CSNK1G1: variants seen among roughly 807,000 people sequenced by gnomAD.
CSNK1G1 encodes casein kinase 1 gamma 1.
A neutral mutation model predicts 59.6 loss-of-function variants in CSNK1G1; 22 were observed. The observed-to-expected ratio is 0.37, with a 90% CI of 0.26 to 0.53. The LOEUF (loss-of-function observed/expected upper bound fraction) is 0.53. Among genes scored for constraint, CSNK1G1 ranks in the 20% least tolerant of loss-of-function variants. CSNK1G1 has a pLI of 0.89. For missense variants in CSNK1G1, 384 were observed against 519.5 expected, an observed-to-expected ratio of 0.74 and a Z score of 2.54; for synonymous variants, 179 against 177.1, an observed-to-expected ratio of 1.01 and a Z score of -0.08.
At chr15:64,245,769 C>T (rs1891718381) in intron 4 of CSNK1G1, among the ~76,000 whole-genome samples, 1 of 150,976 alleles carries the variant, frequency 6.6e-6, no homozygotes, top group African/African-American at 2.4e-5. Flanking sequence ...AAAAGACACA[C>T]ACACAAAAAA....
intron 2 of CSNK1G1, among the ~76,000 whole-genome samples, chr15:64,297,550 T>C (rs1428546328): frequency 6.6e-6 from 1 of 151,712 alleles, no homozygotes; most frequent in African/African-American, 2.4e-5. Context: ...CATTTAAAAA[T>C]AAAAAAATTA....
At chr15:64,305,225 C>G (rs952780655) in intron 1 of CSNK1G1, among the ~76,000 whole-genome samples, 3 of 152,040 alleles carry the variant, frequency 2.0e-5, no homozygotes, top group Non-Finnish European at 4.4e-5. Flanking sequence ...GTTTAAAACA[C>G]AGGGTAAATT....
At chr15:64,282,607 G>A (rs1306425900) in intron 2 of CSNK1G1, among the ~76,000 whole-genome samples, 2 of 152,128 alleles carry the variant, frequency 1.3e-5, no homozygotes, top group African/African-American at 4.8e-5. Flanking sequence ...CTGTTTTCAA[G>A]ATTCATCTAT....
chr15:64,259,938 T>C (rs993396669), intron 2 of CSNK1G1, among the ~76,000 whole-genome samples: 1 of 152,216 alleles, frequency 6.6e-6, no homozygotes, highest in Non-Finnish European at 1.5e-5. Context: ...ACAAATGTAA[T>C]CAATATTCCC....
At chr15:64,245,984 C>T (rs1294299937) in intron 4 of CSNK1G1, among the ~76,000 whole-genome samples, 1 of 151,938 alleles carries the variant, frequency 6.6e-6, no homozygotes. Flanking sequence ...TTAATGGGTA[C>T]AAACATACAG....
chr15:64,287,589 G>T lies in CSNK1G1; in HGVS notation c.181+12730C>A, dbSNP rs1894497699. ...ACTGTGTTGTGTACAGCTTTCATCA[G>T]TATGTTCTTCAAAGGTTTGATCCAA... On this transcript the variant is annotated intron_variant, in intron 2 of 11. Coordinates refer to ENST00000303052, the MANE Select transcript of CSNK1G1 (RefSeq NM_022048.5). Among the ~76,000 whole-genome samples the T allele has an allele frequency of 3.3e-5, 5 of 152,100 alleles. No individual in the cohort carries two copies. In the South Asian group the frequency reaches 1.0e-3, roughly 32 times the overall value.
chr15:64,307,232 G>A (rs1010624209), intron 1 of CSNK1G1, among the ~76,000 whole-genome samples: 3 of 151,948 alleles, frequency 2.0e-5, no homozygotes, highest in African/African-American at 7.3e-5. Context: ...GGAAAACGGG[G>A]GTGGAGGAGT....
intron 7 of CSNK1G1, among the ~76,000 whole-genome samples, chr15:64,207,116 C>T (rs2082192634): frequency 6.6e-6 from 1 of 152,014 alleles, no homozygotes; most frequent in African/African-American, 2.4e-5. Flanking sequence ...CATGGAAAAT[C>T]CAAGAACAAG....
intron 1 of CSNK1G1, among the ~76,000 whole-genome samples, chr15:64,303,476 G>A (rs1012957725): frequency 2.0e-5 from 3 of 151,826 alleles, no homozygotes; most frequent in African/African-American, 7.3e-5. Flanking sequence ...TTAGGGCCGG[G>A]CACAGTGGCT....
At chr15:64,300,890 A>T (rs1895293805) in intron 1 of CSNK1G1, among the ~76,000 whole-genome samples, 167 bp from the exon 2 acceptor site, 1 of 152,240 alleles carries the variant, frequency 6.6e-6, no homozygotes, top group Non-Finnish European at 1.5e-5. Flanking sequence ...TGGATTAGTT[A>T]TTCACATAGT....
chr15:64,221,606 A>G (rs1180903154), intron 4 of CSNK1G1, among the ~76,000 whole-genome samples: 2 of 151,800 alleles, frequency 1.3e-5, no homozygotes, highest in Non-Finnish European at 2.9e-5. Flanking sequence ...ACCAGTGTAG[A>G]AAAAGCTCAA....
chr15:64,343,924 C>A (rs1390383837), intron 1 of CSNK1G1, among the ~76,000 whole-genome samples: 2 of 151,750 alleles, frequency 1.3e-5, no homozygotes, highest in Non-Finnish European at 2.9e-5. Flanking sequence ...TTTGACAAAG[C>A]CTTAAAATAT....
At chr15:64,331,916 T>G (rs1010209732) in intron 1 of CSNK1G1, among the ~76,000 whole-genome samples, 1 of 148,978 alleles carries the variant, frequency 6.7e-6, no homozygotes, top group African/African-American at 2.5e-5. Flanking sequence ...AAAAAACACA[T>G]GAAAAAATGC....
intron 2 of CSNK1G1, among the ~76,000 whole-genome samples, chr15:64,300,022 A>C (rs1184772711): frequency 6.6e-6 from 1 of 152,152 alleles, no homozygotes; most frequent in African/African-American, 2.4e-5. Flanking sequence ...TCCACCTCAG[A>C]CATCCTAAAT....
intron 1 of CSNK1G1, among the ~76,000 whole-genome samples, chr15:64,316,019 C>T (rs1896242885): frequency 6.6e-6 from 1 of 152,076 alleles, no homozygotes; most frequent in South Asian, 2.1e-4. Context: ...TTGGGTTTTG[C>T]TGTTGTTGTT....
intron 9 of CSNK1G1, 117 bp from the exon 10 acceptor site, chr15:64,203,306 A>G: frequency 1.4e-6 from 1 of 718,998 alleles, no homozygotes; most frequent in South Asian, 1.6e-5. Context: ...AGCTACCAAG[A>G]GCACTTTCAA....
chr15:64,286,268 T>C (rs1348350508), intron 2 of CSNK1G1, among the ~76,000 whole-genome samples: 2 of 150,222 alleles, frequency 1.3e-5, no homozygotes. Context: ...ATTGGAAGAC[T>C]AACAAGTATA....
At chr15:64,294,547 C>G (rs1015624738) in intron 2 of CSNK1G1, among the ~76,000 whole-genome samples, 2 of 151,952 alleles carry the variant, frequency 1.3e-5, no homozygotes, top group Non-Finnish European at 2.9e-5. Flanking sequence ...AAAAAATTTG[C>G]TTTAATGAAA....
intron 4 of CSNK1G1, among the ~76,000 whole-genome samples, chr15:64,228,227 C>T (rs2082487835): frequency 6.6e-6 from 1 of 152,198 alleles, no homozygotes; most frequent in African/African-American, 2.4e-5. Context: ...ACAGGAACCA[C>T]CTGGGGCATT....
Sources: allele counts gnomAD v4.1 joint callset (sites outside exome capture counted in the v4.1 genomes callset), GRCh38; gene constraint gnomAD v4.1.1; transcripts MANE v1.5; gene names NCBI Gene and HGNC (gene_info 2026-07-23, HGNC 2026-07-21).